SLC67A1: variants seen among roughly 807,000 people sequenced by gnomAD.
SLC67A1 encodes the protein solute carrier family 67 member A1.
the SLC67A1 span, chr11:2,903,598 C>T: frequency 7.6e-5 from 96 of 1,258,380 alleles, no homozygotes; most frequent in Non-Finnish European, 1.0e-4. Flanking sequence ...TTCATGCTGC[C>T]AGGGCCCCTC....
At chr11:2,918,116 C>A in the SLC67A1 span, 1 of 1,586,886 alleles carries the variant, frequency 6.3e-7, no homozygotes, top group Non-Finnish European at 8.6e-7. Context: ...ACTACTGCCC[C>A]AACAGCGGCC....
At chr11:2,920,304 G>A in the SLC67A1 span, 16 of 152,336 alleles carry the variant, frequency 1.1e-4, no homozygotes, top group African/African-American at 3.9e-4. Context: ...ACCCTGGCAG[G>A]GTAAAAAGAG....
chr11:2,916,658 C>T, the SLC67A1 span: 10 of 1,612,780 alleles, frequency 6.2e-6, no homozygotes, highest in South Asian at 1.1e-5. Context: ...CCCTGGCCAC[C>T]CTCCTGGGAG....
At chr11:2,918,505 C>T in the SLC67A1 span, among the ~76,000 whole-genome samples, 11 of 152,318 alleles carry the variant, frequency 7.2e-5, no homozygotes, top group South Asian at 1.4e-3. Flanking sequence ...GATAGGATAG[C>T]GAGCCACGGA....
chr11:2,924,798 C>T, the SLC67A1 span, among the ~76,000 whole-genome samples: 16 of 147,656 alleles, frequency 1.1e-4, no homozygotes, highest in South Asian at 1.2e-3. This position sits in a 1 kb window ranked among gnomAD's most constrained non-coding sequence, Gnocchi z 8.6. Flanking sequence ...AAAGGCTGGG[C>T]GGGTGGCAGG....
At chr11:2,900,831 A>T in the SLC67A1 span, among the ~76,000 whole-genome samples, 2 of 152,268 alleles carry the variant, frequency 1.3e-5, no homozygotes, top group Non-Finnish European at 2.9e-5. Flanking sequence ...CGCAAGGGGA[A>T]GCGCAGCGAG....
At chr11:2,922,621 G>A in the SLC67A1 span, 2 of 1,479,930 alleles carry the variant, frequency 1.4e-6, no homozygotes, top group Non-Finnish European at 9.2e-7. Flanking sequence ...CGGTGGGGAT[G>A]GGGTGGGCAG....
chr11:2,905,312 C>T, the SLC67A1 span, among the ~76,000 whole-genome samples: 1 of 152,062 alleles, frequency 6.6e-6, no homozygotes, highest in Non-Finnish European at 1.5e-5. Flanking sequence ...AGCAGACCAT[C>T]GTGGAGGAGG....
At chr11:2,910,097 G>A in the SLC67A1 span, among the ~76,000 whole-genome samples, 1 of 152,180 alleles carries the variant, frequency 6.6e-6, no homozygotes, top group Non-Finnish European at 1.5e-5. Context: ...ACGGTGCCCA[G>A]AGCACACCTC....
chr11:2,912,142 G>A, the SLC67A1 span, among the ~76,000 whole-genome samples: 2 of 152,234 alleles, frequency 1.3e-5, no homozygotes, highest in East Asian at 1.9e-4. Context: ...CCCAAGACAC[G>A]GGGTGCTGCT....
At chr11:2,914,842 C>T in the SLC67A1 span, 15 of 985,340 alleles carry the variant, frequency 1.5e-5, no homozygotes, top group Middle Eastern at 1.5e-3. Context: ...AAAGAAAGGG[C>T]CCGTCTCTCT....
At chr11:2,919,854 A>T in the SLC67A1 span, 1 of 159,496 alleles carries the variant, frequency 6.3e-6, no homozygotes, top group African/African-American at 2.4e-5. Flanking sequence ...TCATGGTAGG[A>T]TAAGACGCCA....
At chr11:2,905,783 A>G in the SLC67A1 span, among the ~76,000 whole-genome samples, 1 of 152,192 alleles carries the variant, frequency 6.6e-6, no homozygotes, top group African/African-American at 2.4e-5. Flanking sequence ...GCTGTAGGGG[A>G]GGGTCAAGAG....
the SLC67A1 span, among the ~76,000 whole-genome samples, chr11:2,913,189 G>A: frequency 2.6e-5 from 4 of 152,190 alleles, no homozygotes; most frequent in African/African-American, 4.8e-5. Flanking sequence ...ACCCAGGCCC[G>A]CCGCCCCCCC....
the SLC67A1 span, chr11:2,921,928 G>A: frequency 3.1e-6 from 2 of 645,044 alleles, no homozygotes; most frequent in East Asian, 2.6e-5. Flanking sequence ...AGTCACTGCT[G>A]GCGGAGTAGG....
At chr11:2,904,240 C>T in the SLC67A1 span, among the ~76,000 whole-genome samples, 22 of 152,310 alleles carry the variant, frequency 1.4e-4, no homozygotes, top group Admixed American at 3.3e-4. Context: ...CTGGGAAGCC[C>T]GGCGTGCGTG....
the SLC67A1 span, among the ~76,000 whole-genome samples, chr11:2,900,692 C>CAAAAAAAA: frequency 5.0e-5 from 3 of 59,640 alleles, no homozygotes; most frequent in African/African-American, 1.3e-4. Context: ...GACTCCGTCT[C>CAAAAAAAA]AAAAAAAAAA....
the SLC67A1 span, chr11:2,922,579 G>A: frequency 1.3e-6 from 2 of 1,571,850 alleles, no homozygotes; most frequent in South Asian, 2.2e-5. Flanking sequence ...AGCGAGTGGA[G>A]CAGCCTCCTC....
At chr11:2,917,989 C>T in the SLC67A1 span, 67 of 1,610,084 alleles carry the variant, frequency 4.2e-5, no homozygotes, top group Admixed American at 6.7e-5. Flanking sequence ...CCGTGCCAGG[C>T]GGCCCCCGGG....
Sources: gnomAD v4.1 joint callset for allele counts (sites outside exome capture counted in the v4.1 genomes callset) on GRCh38, gnomAD v4.1.1 for gene constraint, Gnocchi (gnomAD v3.1) non-coding constraint, MANE v1.5 for transcripts, NCBI Gene and HGNC (gene_info 2026-07-23, HGNC 2026-07-21) for gene names.